Variants in SYNE1 observed in about 807,000 individuals in gnomAD.
SYNE1 encodes the protein spectrin repeat containing nuclear envelope protein 1.
SYNE1 carries 616 observed loss-of-function variants against 1,111.0 expected under a neutral mutation model. The ratio of observed to expected loss-of-function variants is 0.55; its 90% confidence interval spans 0.52 to 0.59. SYNE1 has a LOEUF of 0.59. Ranked by LOEUF, SYNE1 falls within the 20% of genes least tolerant of loss-of-function variation. The pLI, the probability that SYNE1 is intolerant of heterozygous loss-of-function variation, is 0.00. For missense variants in SYNE1, 10,006 were observed against 10,417.0 expected (o/e 0.96, Z 1.72); for synonymous variants, 3,855 against 3,825.8 (o/e 1.01, Z -0.28).
chr6:152,386,647 C>T (rs774543496), intron 54 of SYNE1, among the ~76,000 whole-genome samples: 5 of 151,992 alleles, frequency 3.3e-5, no homozygotes, highest in Non-Finnish European at 4.4e-5. Flanking sequence ...AAATAGAAAC[C>T]GTTTTTACTA....
chr6:152,273,275 T>A (rs749503534), intron 98 of SYNE1, among the ~76,000 whole-genome samples: 1 of 152,244 alleles, frequency 6.6e-6, no homozygotes, highest in Non-Finnish European at 1.5e-5. Context: ...GTCTCAAGCC[T>A]GGCCTTTCAG....
At chr6:152,456,583 A>G in intron 22 of SYNE1, 1 of 302,656 alleles carries the variant, frequency 3.3e-6, no homozygotes, top group Non-Finnish European at 6.4e-6. Flanking sequence ...TTCAGATCCT[A>G]ATAAAAAAAG....
rs768243336 is a variant in SYNE1, at chr6:152,262,126, T to C, written c.18878A>G (p.Asp6293Gly). 1.2e-6 allele frequency: 2 copies of C among 1,613,816 alleles called. No individual in the cohort carries two copies. The highest frequency in any genetic ancestry group is 2.7e-5 in the African/African-American group (2 of 74,908). Reference protein sequence around the residue: ...GMEGEKSSAEDQMRMKWESLH... With the variant: ...GMEGEKSSAEGQMRMKWESLH... ...GCTTTCCCATTTCATTCTCATCTGG[T>C]CTTCAGCGGATGATTTCTCCCCTTC... Residue 6293 changes from aspartate (D) to glycine (G), a missense_variant, in exon 101 of 146, where the codon GAC (aspartate) becomes GGC (glycine). Around this residue, in one of 7 missense-constraint regions of SYNE1, gnomAD observed 2,182 missense variants for 2,287.8 expected, o/e 0.95. Transcript: ENST00000367255.
chr6:152,489,841 A>G (rs576790038), intron 11 of SYNE1, among the ~76,000 whole-genome samples: 1 of 152,214 alleles, frequency 6.6e-6, no homozygotes, highest in African/African-American at 2.4e-5. Context: ...TAAAAACACA[A>G]ATTGCTGGGC....
intron 3 of SYNE1, among the ~76,000 whole-genome samples, chr6:152,572,242 G>A (rs2099465157): frequency 1.3e-5 from 2 of 151,974 alleles, no homozygotes; most frequent in African/African-American, 2.4e-5. Flanking sequence ...ACCATCTTAC[G>A]TAAATTCAAA....
At chr6:152,321,630 A>G (rs2095870609) in intron 83 of SYNE1, 91 bp downstream of exon 83, 1 of 1,508,216 alleles carries the variant, frequency 6.6e-7, no homozygotes, top group Non-Finnish European at 9.1e-7. Flanking sequence ...TTAATTCAAT[A>G]TTCAATAAAT....
At chr6:152,174,937 T>C (rs1294619898) in intron 130 of SYNE1, among the ~76,000 whole-genome samples, 2 of 152,256 alleles carry the variant, frequency 1.3e-5, no homozygotes, top group Non-Finnish European at 2.9e-5. Context: ...CTCACACCTG[T>C]AACCCCAGCA....
At chr6:152,411,525 T>C (rs1295900545) in intron 42 of SYNE1, among the ~76,000 whole-genome samples, 1 of 151,600 alleles carries the variant, frequency 6.6e-6, no homozygotes, top group East Asian at 1.9e-4. Flanking sequence ...AAGACCTCAA[T>C]AACAAAAAAA....
chr6:152,395,751 T>C, intron 50 of SYNE1, 80 bp from the exon 51 acceptor site: 1 of 1,499,116 alleles, frequency 6.7e-7, no homozygotes, highest in Non-Finnish European at 9.3e-7. Flanking sequence ...GGTCACAATG[T>C]CTTTTAAATG....
In SYNE1 at chr6:152,344,325, AT is replaced by A; in HGVS notation, c.12079-99del. The A allele has an allele frequency of 3.3e-6, 5 of 1,519,682 alleles. No individual in the cohort carries two copies. In the South Asian group the frequency reaches 3.4e-5, roughly 10 times the overall value. 94.1% of individuals were successfully genotyped at this position (1,519,682 alleles called of 1,614,324 possible). The stretch of plus-strand genomic sequence containing the variant: ...AAACATGACCAGTACATCTAAATGG[AT>A]TTTCCCCCCAAGATTCTGCAATTTC... On this transcript the variant is annotated intron_variant, in intron 73 of 145. Transcript: ENST00000367255.
At chr6:152,543,257 A>G (rs985875672) in intron 3 of SYNE1, among the ~76,000 whole-genome samples, 4 of 152,106 alleles carry the variant, frequency 2.6e-5, no homozygotes, top group Non-Finnish European at 5.9e-5. Context: ...CTTTTTTACT[A>G]TGGTTGCAAA....
chr6:152,177,026 G>A (rs1382683403), intron 129 of SYNE1, among the ~76,000 whole-genome samples: 2 of 152,070 alleles, frequency 1.3e-5, no homozygotes, highest in African/African-American at 4.8e-5. Flanking sequence ...ATGTGAATGT[G>A]TGTGTCAATT....
chr6:152,207,459 A>C (rs1280349817), intron 125 of SYNE1, among the ~76,000 whole-genome samples: 2 of 152,170 alleles, frequency 1.3e-5, no homozygotes, highest in Non-Finnish European at 2.9e-5. Context: ...AACGAACGAA[A>C]GAACAGTGAC....
intron 3 of SYNE1, among the ~76,000 whole-genome samples, chr6:152,601,319 G>A (rs1250098723): frequency 1.3e-5 from 2 of 152,320 alleles, no homozygotes; most frequent in Non-Finnish European, 2.9e-5. Context: ...ACCTGGCTAG[G>A]CATAGGGTTA....
At chr6:152,406,651 T>C (rs912226824) in intron 45 of SYNE1, among the ~76,000 whole-genome samples, 1 of 152,066 alleles carries the variant, frequency 6.6e-6, no homozygotes, top group Non-Finnish European at 1.5e-5. Flanking sequence ...GCAGATCACC[T>C]GAGGTCAAGA....
intron 115 of SYNE1, among the ~76,000 whole-genome samples, chr6:152,227,425 C>T (rs2081843582): frequency 6.6e-6 from 1 of 152,086 alleles, no homozygotes; most frequent in Admixed American, 6.5e-5. Flanking sequence ...TAGTTAGACA[C>T]TCACGCATTT....
chr6:152,129,205 G>A (rs924472532), intron 145 of SYNE1: 1 of 152,220 alleles, frequency 6.6e-6, no homozygotes, highest in Non-Finnish European at 1.5e-5. Flanking sequence ...CTGAAACAAT[G>A]CGGAGAGCAG....
At chr6:152,258,024 G>A (rs1369821480) in intron 101 of SYNE1, among the ~76,000 whole-genome samples, 1 of 152,116 alleles carries the variant, frequency 6.6e-6, no homozygotes, top group African/African-American at 2.4e-5. Context: ...CATCCATACA[G>A]AGAACAATGA....
intron 127 of SYNE1, among the ~76,000 whole-genome samples, chr6:152,191,356 G>C (rs2072309330): frequency 6.6e-6 from 1 of 151,892 alleles, no homozygotes. Flanking sequence ...AGTAGGATTG[G>C]TATTAGTTCT....
Sources: allele counts gnomAD v4.1 joint callset (sites outside exome capture counted in the v4.1 genomes callset), GRCh38; gene constraint gnomAD v4.1.1; regional missense constraint gnomAD v4.1.1; transcripts MANE v1.5; gene names NCBI Gene and HGNC (gene_info 2026-07-23, HGNC 2026-07-21).